The following CFAP58 variants were observed in gnomAD, a reference collection of about 807,000 sequenced individuals.
CFAP58 encodes cilia and flagella associated protein 58.
A neutral mutation model predicts 119.5 loss-of-function variants in CFAP58; 88 were observed. That is an observed-to-expected ratio of 0.74 (90% CI 0.62 to 0.88). CFAP58 has a LOEUF of 0.88. CFAP58 is among the 40% of genes least tolerant of loss of function. The pLI is 0.00. For synonymous variants in CFAP58, 365 were observed against 366.3 expected (o/e 1.00, Z 0.04); for missense variants, 990 against 1,021.2 (o/e 0.97, Z 0.42).
chr10:104,345,585 A>G, the CFAP58 span, among the ~76,000 whole-genome samples: 5 of 152,104 alleles, frequency 3.3e-5, no homozygotes, highest in African/African-American at 7.3e-5. Flanking sequence ...CCATAGATGT[A>G]TTAAAGAAAA....
At position 104,402,861 on chromosome 10, in the gene CFAP58, A is replaced by AT. The variant is rs1564893658; in HGVS notation, c.2040-863dup. On this transcript the variant is annotated intron_variant, in intron 13 of 17. Coordinates refer to ENST00000369704, the MANE Select transcript of CFAP58 (RefSeq NM_001008723.2). Reference sequence around the variant, plus strand: ...AAGGATTGGGTCCAGGAGAAGAGGTATTTTTCAAAGCTCCCCAGGGGATTT... The same window carrying AT: ...AAGGATTGGGTCCAGGAGAAGAGGTATTTTTTCAAAGCTCCCCAGGGGATTT... 8.5e-5 allele frequency among the ~76,000 whole-genome samples: 13 copies of AT among 152,222 alleles called. No individual in the cohort carries two copies. In the South Asian group the frequency reaches 2.7e-3, roughly 32 times the overall value.
At chr10:104,364,676 T>C in intron 3 of CFAP58, 57 bp from the exon 4 acceptor site, 5 of 1,532,106 alleles carry the variant, frequency 3.3e-6, no homozygotes, top group South Asian at 1.2e-5. Flanking sequence ...GAGAATGATA[T>C]GAAGGACCCC....
chr10:104,358,000 CATATATACACATATATGTACAT>C (rs1289219829), intron 1 of CFAP58, among the ~76,000 whole-genome samples: 15 of 133,274 alleles, frequency 1.1e-4, no homozygotes, highest in East Asian at 1.1e-3. Flanking sequence ...TATATGTACA[CATATATACACATATATGTACAT>C]ATATATACAT....
In CFAP58 at chr10:104,422,442, C is replaced by G. The variant is rs568606560; in HGVS notation, c.2256+15649C>G. Among the ~76,000 whole-genome samples, 8 of 152,290 alleles carry G rather than the reference C, an allele frequency of 5.3e-5. No individual in the cohort carries two copies. In the South Asian group the frequency reaches 1.7e-3, roughly 32 times the overall value. ...TTCTGTATAATAAAGCACTCCACAA[C>G]TTCGTGGCTTAGAACAATAATCATT... On this transcript the variant is annotated intron_variant, in intron 15 of 17. Transcript: ENST00000369704.
At chr10:104,393,618 C>A in intron 11 of CFAP58, 143 bp downstream of exon 11, 1 of 698,486 alleles carries the variant, frequency 1.4e-6, no homozygotes, top group Non-Finnish European at 2.3e-6. Flanking sequence ...AAACCAAGCA[C>A]ACAAGGCACC....
chr10:104,358,182 A>T (rs1254480427), intron 1 of CFAP58, among the ~76,000 whole-genome samples, 159 bp from the exon 2 acceptor site: 1 of 147,106 alleles, frequency 6.8e-6, no homozygotes, highest in Non-Finnish European at 1.5e-5. Context: ...GGTCTGAACA[A>T]GGACCTTTCC....
chr10:104,412,748 C>A (rs995129510), intron 15 of CFAP58, among the ~76,000 whole-genome samples: 1 of 152,158 alleles, frequency 6.6e-6, no homozygotes, highest in East Asian at 1.9e-4. Context: ...AAGCCCCACT[C>A]GCCTGTGAAC....
At position 104,358,111 on chromosome 10, in the gene CFAP58, A is replaced by G. The variant is rs370606643; in HGVS notation, c.10-230A>G. On this transcript the variant is annotated intron_variant, in intron 1 of 17. Coordinates refer to ENST00000369704, the MANE Select transcript of CFAP58 (RefSeq NM_001008723.2). ...CACACATATATATGTACATATATAC[A>G]CATATATATGTACTTATATATACAC... is the stretch of plus-strand genomic sequence containing the variant. Among the ~76,000 whole-genome samples, 23 of 150,738 alleles carry G rather than the reference A, an allele frequency of 1.5e-4. 1 individual carries two copies. Among genetic ancestry groups the G allele is most frequent in the South Asian group, 1.5e-3 (7 of 4,804 alleles).
intron 15 of CFAP58, among the ~76,000 whole-genome samples, chr10:104,442,703 T>C (rs1191440997): frequency 1.3e-5 from 2 of 152,180 alleles, no homozygotes; most frequent in Non-Finnish European, 2.9e-5. Flanking sequence ...TTGCAAGTCT[T>C]ATGAATTAAA....
chr10:104,374,453 GAAAAAAA>G (rs71022730), intron 7 of CFAP58, among the ~76,000 whole-genome samples: 4 of 30,694 alleles, frequency 1.3e-4, no homozygotes, highest in Admixed American at 4.6e-4. Context: ...CTTGTTTCAG[GAAAAAAA>G]AAAAAAAAAA....
chr10:104,394,097 T>A (rs2012105855), intron 11 of CFAP58, among the ~76,000 whole-genome samples: 2 of 152,246 alleles, frequency 1.3e-5, no homozygotes, highest in Admixed American at 1.3e-4. Flanking sequence ...CTTTAAAATC[T>A]ACTAATTTAG....
In CFAP58 at chr10:104,450,107, A is replaced by G; in HGVS notation, c.2413A>G (p.Ser805Gly). The G allele has an allele frequency of 6.2e-7, 1 of 1,612,622 alleles. No homozygotes were observed. The highest frequency in any genetic ancestry group is 2.2e-5 in the East Asian group (1 of 44,866). ...AGAATTGAATATGTATGAAGTACAG[A>G]GCAAAGAATATAAATATGAGGTAGA... Reference protein sequence around the residue: ...SSELNMYEVQSKEYKYEVEKL... With the variant: ...SSELNMYEVQGKEYKYEVEKL... Residue 805 changes from serine to glycine, a missense_variant, in exon 17 of 18, where the codon AGC becomes GGC. By Grantham distance (56) the Ser-to-Gly change is moderately conservative. Transcript: ENST00000369704.
At chr10:104,360,179 C>T (rs2014647246) in intron 2 of CFAP58, among the ~76,000 whole-genome samples, 1 of 152,116 alleles carries the variant, frequency 6.6e-6, no homozygotes, top group Non-Finnish European at 1.5e-5. Context: ...TATAAAGGAC[C>T]CACATTCTAC....
At chr10:104,413,067 G>A (rs2012486298) in intron 15 of CFAP58, among the ~76,000 whole-genome samples, 2 of 152,198 alleles carry the variant, frequency 1.3e-5, no homozygotes, top group South Asian at 2.1e-4. Context: ...AGGAGTTCTG[G>A]TGTCTGTCTT....
At chr10:104,402,285 C>T (rs763515046) in intron 13 of CFAP58, among the ~76,000 whole-genome samples, 31 of 152,184 alleles carry the variant, frequency 2.0e-4, no homozygotes, top group Non-Finnish European at 3.5e-4. Flanking sequence ...TATTTCTGCC[C>T]TCCCCTTCTG....
In CFAP58 at chr10:104,420,319, A is replaced by C. The variant is rs922645144; in HGVS notation, c.2256+13526A>C. ...GCATTAGAGTACTGCAAGCATTAGG[A>C]GTTTCTTAAAAGAGATTGGCGCTGG... On this transcript the variant is annotated intron_variant, in intron 15 of 17. Coordinates refer to ENST00000369704, the MANE Select transcript of CFAP58 (RefSeq NM_001008723.2). 9.9e-5 allele frequency among the ~76,000 whole-genome samples: 15 copies of C among 152,248 alleles called. 1 individual carries two copies. The highest frequency in any genetic ancestry group is 9.8e-4 in the Admixed American group (15 of 15,306).
chr10:104,385,164 C>T (rs552124957), intron 9 of CFAP58, among the ~76,000 whole-genome samples: 3 of 152,048 alleles, frequency 2.0e-5, no homozygotes, highest in African/African-American at 7.2e-5. Flanking sequence ...CAAGATGCAC[C>T]TGAGAATCTA....
At chr10:104,384,852 A>G (rs1399853354) in intron 9 of CFAP58, among the ~76,000 whole-genome samples, 1 of 152,146 alleles carries the variant, frequency 6.6e-6, no homozygotes, top group Admixed American at 6.5e-5. Context: ...GTGGGAAAGG[A>G]GGAGTGGGTG....
rs186040324 is a variant in CFAP58 at position 104,361,072 on chromosome 10, C to A, written c.292-951C>A. Among the ~76,000 whole-genome samples, 22 of 152,304 alleles carry A rather than the reference C, an allele frequency of 1.4e-4. No individual in the cohort carries two copies. The East Asian group carries it at 4.2e-3, about 29-fold the overall frequency. On this transcript the variant is annotated intron_variant, in intron 2 of 17. Transcript: ENST00000369704. ...ATGATTCAATCACCTCCCACCAGGC[C>A]CCACCTCCAACATTGGGGATTACAT...
Sources: gnomAD v4.1 joint callset for allele counts (sites outside exome capture counted in the v4.1 genomes callset) on GRCh38, gnomAD v4.1.1 for gene constraint, MANE v1.5 for transcripts, NCBI Gene and HGNC (gene_info 2026-07-23, HGNC 2026-07-21) for gene names.